The following LRRC4C variants were observed in gnomAD, a reference collection of about 807,000 sequenced individuals.
LRRC4C encodes the protein leucine rich repeat containing 4C, also known as leucine-rich repeat-containing protein 4C.
A neutral mutation model predicts 33.6 loss-of-function variants in LRRC4C; 5 were observed. The ratio of observed to expected loss-of-function variants is 0.15; its 90% CI spans 0.08 to 0.31. The LOEUF is 0.31. Among genes scored for constraint, LRRC4C ranks in the 10% least tolerant of loss-of-function variants. LRRC4C has a pLI of 1.00. For missense variants in LRRC4C, 560 were observed against 796.7 expected (o/e 0.70, Z 3.58); for synonymous variants, 329 against 302.0 (o/e 1.09, Z -0.93).
chr11:41,086,881 T>A (rs1177458951), intron 1 of LRRC4C, among the ~76,000 whole-genome samples: 2 of 150,714 alleles, frequency 1.3e-5, no homozygotes, highest in Non-Finnish European at 3.0e-5. Flanking sequence ...GGGAAATAGA[T>A]ATGAGTCTTT....
chr11:40,355,096 G>A (rs1947597981), intron 3 of LRRC4C, among the ~76,000 whole-genome samples: 1 of 152,160 alleles, frequency 6.6e-6, no homozygotes, highest in Non-Finnish European at 1.5e-5. Flanking sequence ...TCAGGGCAGT[G>A]TGTATTTAGA....
intron 1 of LRRC4C, among the ~76,000 whole-genome samples, chr11:40,970,414 C>A (rs1021285938): frequency 6.6e-6 from 1 of 152,136 alleles, no homozygotes; most frequent in African/African-American, 2.4e-5. Context: ...TCACCTTTCA[C>A]CATGATTGTA....
At chr11:40,300,292 G>A (rs1043121624) in intron 4 of LRRC4C, among the ~76,000 whole-genome samples, 1 of 152,170 alleles carries the variant, frequency 6.6e-6, no homozygotes, top group African/African-American at 2.4e-5. Flanking sequence ...AGACTCCACA[G>A]GGACACAGAT....
chr11:40,950,883 A>ATT (rs556509078), intron 1 of LRRC4C, among the ~76,000 whole-genome samples: 1 of 144,498 alleles, frequency 6.9e-6, no homozygotes, highest in Admixed American at 6.9e-5. Flanking sequence ...CAACTTGCTT[A>ATT]TTTTTTTTTT....
At chr11:40,178,492 A>T (rs1488332104) in intron 5 of LRRC4C, among the ~76,000 whole-genome samples, 1 of 152,230 alleles carries the variant, frequency 6.6e-6, no homozygotes, top group East Asian at 1.9e-4. Context: ...TAAGCTAGAA[A>T]GTTAGGGAAT....
At chr11:40,657,929 T>G (rs11603172) in intron 2 of LRRC4C, among the ~76,000 whole-genome samples, 25,578 of 152,166 alleles carry the variant, frequency 0.17, 2,229 homozygotes, top group Non-Finnish European at 0.19. Flanking sequence ...ATAATTGGAT[T>G]AAGGGCAAAG....
At chr11:40,948,592 C>T (rs965888158) in intron 1 of LRRC4C, among the ~76,000 whole-genome samples, 1 of 144,290 alleles carries the variant, frequency 6.9e-6, no homozygotes, top group Non-Finnish European at 1.5e-5. Flanking sequence ...TGTTCAATTC[C>T]CACCTATGAG....
chr11:40,566,120 C>CT (rs1214655377), intron 3 of LRRC4C, among the ~76,000 whole-genome samples: 4 of 64,594 alleles, frequency 6.2e-5, no homozygotes, highest in African/African-American at 1.2e-4. Flanking sequence ...ACTTATGTCA[C>CT]TTTTTTTTTC....
Position 41,442,458 on chromosome 11 carries a change from C to CTTTTTTTTTTTTTTTTTTTT in LRRC4C, c.-496+16953_-496+16972dup, listed in dbSNP as rs775679545. Among the ~76,000 whole-genome samples the CTTTTTTTTTTTTTTTTTTTT allele has an allele frequency of 8.3e-5, 7 of 84,078 alleles. 1 individual carries two copies. Among genetic ancestry groups the CTTTTTTTTTTTTTTTTTTTT allele is most frequent in the South Asian group, 4.3e-4 (1 of 2,346 alleles). The allele number at this position is 84,078 out of a possible 152,430, so 55.2% of individuals were successfully genotyped here. The stretch of plus-strand genomic sequence containing the variant: ...AGTTCTCTCTCTTTGTTGCTTTTTT[C>CTTTTTTTTTTTTTTTTTTTT]TTTTTTTTTTTTTTTTTTTTTTTTT... On this transcript the variant is annotated intron_variant, in intron 1 of 6. Transcript: ENST00000528697.
intron 1 of LRRC4C, among the ~76,000 whole-genome samples, chr11:41,374,740 G>A (rs1159553705): frequency 6.6e-6 from 1 of 152,140 alleles, no homozygotes; most frequent in Non-Finnish European, 1.5e-5. Flanking sequence ...TTTGTTAGGT[G>A]TAAAAATATT....
chr11:40,593,605 A>G (rs1959156593), intron 3 of LRRC4C, among the ~76,000 whole-genome samples: 1 of 152,324 alleles, frequency 6.6e-6, no homozygotes, highest in South Asian at 2.1e-4. Context: ...CAGTTCTTGC[A>G]TTCAGCTGCT....
chr11:41,178,853 C>T (rs1945320902), intron 1 of LRRC4C, among the ~76,000 whole-genome samples: 1 of 152,308 alleles, frequency 6.6e-6, no homozygotes, highest in Admixed American at 6.5e-5. Context: ...CAGGTGCCCA[C>T]CACCATGCCC....
At chr11:41,398,493 G>T (rs918632664) in intron 1 of LRRC4C, among the ~76,000 whole-genome samples, 1 of 151,790 alleles carries the variant, frequency 6.6e-6, no homozygotes, top group Non-Finnish European at 1.5e-5. Flanking sequence ...ACATTTTATT[G>T]CTGTCCTAGT....
rs371030586 is a variant in LRRC4C, at chr11:40,632,058, G to T, written c.-270+16084C>A. On this transcript the variant is annotated intron_variant, in intron 3 of 6. Coordinates refer to ENST00000528697, the MANE Select transcript of LRRC4C (RefSeq NM_001258419.2). The stretch of plus-strand genomic sequence containing the variant: ...CTAAGTGACTTGGCCAAGGTTATGT[G>T]GTTTAGTAGGTAGCAGTACCAGATC... 2.8e-4 allele frequency among the ~76,000 whole-genome samples: 42 copies of T among 152,222 alleles called. No individual in the cohort carries two copies. The South Asian group carries it at 8.7e-3, about 32-fold the overall frequency.
intron 5 of LRRC4C, among the ~76,000 whole-genome samples, chr11:40,217,665 G>T (rs988084627): frequency 6.6e-6 from 1 of 152,062 alleles, no homozygotes; most frequent in Non-Finnish European, 1.5e-5. Flanking sequence ...GTATTATTCA[G>T]TCAGTAAATT....
At chr11:40,172,113 G>A (rs112639583) in intron 5 of LRRC4C, among the ~76,000 whole-genome samples, 12 of 152,180 alleles carry the variant, frequency 7.9e-5, no homozygotes, top group South Asian at 2.1e-4. Flanking sequence ...CTCTTCTGTC[G>A]TTTGAGAAAA....
intron 1 of LRRC4C, among the ~76,000 whole-genome samples, chr11:41,025,270 GT>G (rs1482599258): frequency 1.3e-5 from 2 of 151,626 alleles, no homozygotes; most frequent in Non-Finnish European, 3.0e-5. Flanking sequence ...AGATAGATAT[GT>G]TAAAAGCTAG....
intron 3 of LRRC4C, among the ~76,000 whole-genome samples, chr11:40,637,588 A>G (rs1311204110): frequency 6.6e-6 from 1 of 152,154 alleles, no homozygotes; most frequent in Non-Finnish European, 1.5e-5. Flanking sequence ...AGTAAATGAA[A>G]TTTCAAAGCT....
intron 1 of LRRC4C, among the ~76,000 whole-genome samples, chr11:41,357,210 C>T (rs1221678856): frequency 6.6e-6 from 1 of 152,032 alleles, no homozygotes; most frequent in Non-Finnish European, 1.5e-5. Context: ...AATAAACTGG[C>T]ACAAGTTATG....
Sources: gnomAD v4.1 joint callset for allele counts (sites outside exome capture counted in the v4.1 genomes callset) on GRCh38, gnomAD v4.1.1 for gene constraint, MANE v1.5 for transcripts, NCBI Gene and HGNC (gene_info 2026-07-23, HGNC 2026-07-21) for gene names.